Variants in STAU1 observed in about 807,000 individuals in gnomAD.
STAU1 encodes the protein double-stranded RNA-binding protein Staufen homolog 1.
STAU1 carries 13 observed loss-of-function variants against 62.9 expected under a neutral mutation model. That is an observed-to-expected ratio of 0.21 (90% CI 0.13 to 0.33). The LOEUF is 0.33. Ranked by LOEUF, STAU1 falls within the 10% of genes least tolerant of loss-of-function variation. STAU1 has a pLI of 1.00. For synonymous variants in STAU1, 269 were observed against 265.1 expected, an observed-to-expected ratio of 1.01 and a Z score of -0.14; for missense variants, 571 against 712.1, an observed-to-expected ratio of 0.80 and a Z score of 2.25.
chr20:49,142,886 TTGATC>T (rs761070760), intron 5 of STAU1, among the ~76,000 whole-genome samples: 5 of 152,192 alleles, frequency 3.3e-5, no homozygotes, highest in African/African-American at 4.8e-5. Flanking sequence ...CACTGCGGCC[TTGATC>T]TCCCAGGCTC....
chr20:49,172,130 G>C (rs1342672740), intron 2 of STAU1, among the ~76,000 whole-genome samples: 1 of 152,180 alleles, frequency 6.6e-6, no homozygotes, highest in Non-Finnish European at 1.5e-5. Context: ...AATGCCATGG[G>C]CAATGGAGGA....
At chr20:49,188,831 TCCCTG>T (rs1371681169), upstream of STAU1, among the ~76,000 whole-genome samples, 1 of 152,146 alleles carries the variant, frequency 6.6e-6, no homozygotes, top group African/African-American at 2.4e-5. Flanking sequence ...CTGACAAAAA[TCCCTG>T]CCCTCGTGGA....
the STAU1 span, among the ~76,000 whole-genome samples, chr20:49,194,549 A>G: frequency 1.3e-5 from 2 of 152,100 alleles, no homozygotes; most frequent in Admixed American, 6.6e-5. Context: ...GCTTGAGCCC[A>G]GGAGTTCGAG....
chr20:49,191,941 C>T (rs2093831864), upstream of STAU1, among the ~76,000 whole-genome samples: 1 of 151,820 alleles, frequency 6.6e-6, no homozygotes, highest in Admixed American at 6.6e-5. Flanking sequence ...GTCCCAGGTA[C>T]TCGGGCATGT....
At chr20:49,158,378 T>C in intron 3 of STAU1, 3 of 1,157,588 alleles carry the variant, frequency 2.6e-6, no homozygotes, top group Non-Finnish European at 3.5e-6. Flanking sequence ...AAGGGAAACC[T>C]GGATTTCAGT....
the STAU1 span, among the ~76,000 whole-genome samples, chr20:49,212,796 C>T: frequency 1.3e-5 from 2 of 151,424 alleles, no homozygotes; most frequent in East Asian, 2.0e-4. Context: ...TGGGGTTTCT[C>T]CATGTTGGTC....
intron 1 of STAU1, among the ~76,000 whole-genome samples, chr20:49,180,328 T>TA (rs1478783444): frequency 5.5e-5 from 4 of 73,028 alleles, no homozygotes; most frequent in African/African-American, 2.4e-4. Context: ...TCTTTTTTTT[T>TA]TTTTCCCCCC....
At chr20:49,165,342 C>A (rs2093509340) in intron 3 of STAU1, among the ~76,000 whole-genome samples, 1 of 143,288 alleles carries the variant, frequency 7.0e-6, no homozygotes, top group African/African-American at 2.6e-5. Context: ...CGCGCCCGGC[C>A]TATTTTTTCT....
intron 1 of STAU1, among the ~76,000 whole-genome samples, chr20:49,180,839 C>A (rs1215493137): frequency 6.6e-6 from 1 of 152,166 alleles, no homozygotes; most frequent in African/African-American, 2.4e-5. Flanking sequence ...TCAAATTGAT[C>A]TAGGGTTCTA....
In STAU1 at chr20:49,121,853, C is replaced by A. The variant is rs372593983; in HGVS notation, c.966+1239G>T. Among the ~76,000 whole-genome samples the A allele has an allele frequency of 9.8e-5, 15 of 152,334 alleles. 1 individual carries two copies. Among genetic ancestry groups the A allele is most frequent in the South Asian group, 8.3e-4 (4 of 4,824 alleles). On this transcript the variant is annotated intron_variant, in intron 8 of 13. Transcript: ENST00000371856. ...GCACATCACTACTTACAACCCCCTT[C>A]CAAGTTGATTGTAATAACAGGCACC...
the STAU1 span, among the ~76,000 whole-genome samples, chr20:49,212,536 T>C: frequency 6.6e-6 from 1 of 152,042 alleles, no homozygotes; most frequent in South Asian, 2.1e-4. Context: ...TTTCATTGAG[T>C]TGTTTGGTTT....
the STAU1 span, among the ~76,000 whole-genome samples, chr20:49,195,684 A>G: frequency 6.6e-6 from 1 of 151,136 alleles, no homozygotes; most frequent in Admixed American, 6.6e-5. Context: ...TGGGCAGATC[A>G]CCTGAGGCTG....
chr20:49,133,153 A>C (rs1421353389), intron 6 of STAU1, among the ~76,000 whole-genome samples: 1 of 152,240 alleles, frequency 6.6e-6, no homozygotes, highest in Non-Finnish European at 1.5e-5. Flanking sequence ...CTGAACACAG[A>C]GTTGAGAGCC....
chr20:49,217,236 A>G, the STAU1 span, among the ~76,000 whole-genome samples: 1 of 152,132 alleles, frequency 6.6e-6, no homozygotes, highest in Non-Finnish European at 1.5e-5. Flanking sequence ...AATGCGAAAT[A>G]GAACAAGACC....
At chr20:49,149,251 A>AACACACACACACAC (rs34854738) in intron 5 of STAU1, among the ~76,000 whole-genome samples, 2,284 of 131,954 alleles carry the variant, frequency 0.017, 27 homozygotes, top group Admixed American at 0.024. Context: ...ACTGTCTCAA[A>AACACACACACACAC]ACACACACAC....
chr20:49,171,567 G>A (rs767111154), intron 2 of STAU1, among the ~76,000 whole-genome samples: 1 of 152,164 alleles, frequency 6.6e-6, no homozygotes, highest in East Asian at 1.9e-4. Flanking sequence ...GATTACAAGC[G>A]TGAGCCACCG....
At chr20:49,207,846 C>G in the STAU1 span, among the ~76,000 whole-genome samples, 5 of 151,754 alleles carry the variant, frequency 3.3e-5, no homozygotes, top group Admixed American at 6.6e-5. Context: ...ATTACTGAAC[C>G]GAGACTGTTT....
the STAU1 span, among the ~76,000 whole-genome samples, chr20:49,201,173 A>C: frequency 6.6e-6 from 1 of 151,702 alleles, no homozygotes; most frequent in Non-Finnish European, 1.5e-5. Context: ...ACTGTTCTCT[A>C]TGCTACTAAA....
At chr20:49,162,550 G>A (rs943476171) in intron 3 of STAU1, among the ~76,000 whole-genome samples, 5 of 152,000 alleles carry the variant, frequency 3.3e-5, no homozygotes, top group African/African-American at 2.4e-5. Context: ...CGAGGCAGGC[G>A]GATCACGAGG....
Sources: allele counts gnomAD v4.1 joint callset (sites outside exome capture counted in the v4.1 genomes callset), GRCh38; gene constraint gnomAD v4.1.1; transcripts MANE v1.5; gene names NCBI Gene and HGNC (gene_info 2026-07-23, HGNC 2026-07-21).